The following WARS2 variants were observed in gnomAD, a reference collection of about 807,000 sequenced individuals.
WARS2 encodes the protein tryptophanyl tRNA synthetase 2, mitochondrial.
A neutral mutation model predicts 36.5 loss-of-function variants in WARS2; 28 were observed. That is an observed-to-expected ratio of 0.77 (90% confidence interval 0.57 to 1.05). The LOEUF is 1.05. WARS2 is among the 50% of genes least tolerant of loss of function. The probability of loss-of-function intolerance (pLI) is 0.00; values close to 1 mark genes in which losing one functional copy is unlikely to be tolerated. For missense variants in WARS2, 435 were observed against 456.8 expected (o/e 0.95, Z 0.44); for synonymous variants, 174 against 178.4 (o/e 0.98, Z 0.20).
intron 1 of WARS2, among the ~76,000 whole-genome samples, chr1:119,129,475 G>A (rs1169582447): frequency 2.0e-5 from 3 of 152,172 alleles, no homozygotes; most frequent in African/African-American, 4.8e-5. Context: ...TTGGGAGGCT[G>A]AGGCAGGAAC....
At chr1:119,062,851 C>G (rs1650500946) in intron 2 of WARS2, 1 of 156,738 alleles carries the variant, frequency 6.4e-6, no homozygotes, top group South Asian at 2.0e-4. Flanking sequence ...CTTTTCTTCC[C>G]AGTCTCAGGT....
chr1:119,051,687 C>A (rs1649367748), intron 2 of WARS2, among the ~76,000 whole-genome samples: 1 of 151,926 alleles, frequency 6.6e-6, no homozygotes, highest in African/African-American at 2.4e-5. Flanking sequence ...TACTCCATAA[C>A]CTGGCCAGCA....
chr1:119,042,178 C>T (rs1173896302), intron 4 of WARS2, 86 bp downstream of exon 4: 2 of 1,272,912 alleles, frequency 1.6e-6, no homozygotes, highest in Middle Eastern at 1.9e-4. Flanking sequence ...TTCCCCTTGC[C>T]CATGAACCAA....
chr1:119,066,446 C>A (rs1329704210), intron 2 of WARS2, among the ~76,000 whole-genome samples: 3 of 142,636 alleles, frequency 2.1e-5, no homozygotes, highest in Non-Finnish European at 4.5e-5. Context: ...CCATTGCACT[C>A]CAGCATGGGT....
rs397693869 is a variant in WARS2, at chr1:119,123,623, C to CAT, written c.90+16931_90+16932insAT. Among the ~76,000 whole-genome samples the CAT allele has an allele frequency of 2.6e-5, 4 of 151,156 alleles. No individual in the cohort carries two copies. The East Asian group carries it at 5.8e-4, about 22-fold the overall frequency. On this transcript the variant is annotated intron_variant, in intron 1 of 5. Transcript: ENST00000235521. ...ATGCAAACACACACACACACACACA[C>CAT]GTTAATGTTAGTCTATAAAACATTT...
intron 2 of WARS2, among the ~76,000 whole-genome samples, chr1:119,056,536 AAT>A (rs111315245): frequency 0.33 from 48,793 of 146,880 alleles, 9,465 homozygotes; most frequent in African/African-American, 0.54. Flanking sequence ...CTAAATATAT[AAT>A]ATATATATAT....
rs78905459 is a variant in WARS2, at chr1:119,101,643, A to G, written c.91-25036T>C. On this transcript the variant is annotated intron_variant, in intron 1 of 5. Coordinates refer to ENST00000235521, the MANE Select transcript of WARS2 (RefSeq NM_015836.4). ...ATCTTGGTGTTCACTTATCACATCTAACACAGGATTCCTGAACCCAAGCTC... is the reference window on the plus strand; with the variant it reads ...ATCTTGGTGTTCACTTATCACATCTGACACAGGATTCCTGAACCCAAGCTC... Among the ~76,000 whole-genome samples the G allele has an allele frequency of 3.2e-3, 489 of 152,290 alleles. 2 individuals carry two copies. Among genetic ancestry groups the G allele is most frequent in the African/African-American group, 0.011 (443 of 41,542 alleles).
chr1:119,056,973 T>C (rs1482020822), intron 2 of WARS2, among the ~76,000 whole-genome samples: 1 of 152,194 alleles, frequency 6.6e-6, no homozygotes, highest in African/African-American at 2.4e-5. Context: ...TTTATCATTT[T>C]ACAGTGTTAC....
chr1:119,057,664 C>T (rs10923740), intron 2 of WARS2, among the ~76,000 whole-genome samples: 38,805 of 151,464 alleles, frequency 0.26, 5,251 homozygotes, highest in African/African-American at 0.31. Context: ...GTTGCAGGTG[C>T]CTGTAATCCT....
intron 1 of WARS2, among the ~76,000 whole-genome samples, chr1:119,122,965 G>GA (rs1039218413): frequency 2.0e-5 from 3 of 152,002 alleles, no homozygotes; most frequent in African/African-American, 4.8e-5. Flanking sequence ...CTGAGGATAG[G>GA]AAAAAAATGT....
intron 1 of WARS2, among the ~76,000 whole-genome samples, chr1:119,077,031 C>T (rs12024271): frequency 2.0e-5 from 3 of 148,250 alleles, no homozygotes; most frequent in African/African-American, 5.0e-5. Flanking sequence ...CCAGCTACTC[C>T]GGAGGCTGAG....
At chr1:119,038,721 C>G (rs951291039) in intron 4 of WARS2, among the ~76,000 whole-genome samples, 9 of 152,162 alleles carry the variant, frequency 5.9e-5, no homozygotes, top group Admixed American at 5.2e-4. Flanking sequence ...CACTCCGTCA[C>G]CCAGGCTAGA....
At chr1:119,134,319 C>CAAA (rs761321480) in intron 1 of WARS2, among the ~76,000 whole-genome samples, 19,417 of 65,704 alleles carry the variant, frequency 0.3, 4,087 homozygotes, top group East Asian at 0.47. Context: ...GGCAAAGGGG[C>CAAA]AAAAAAAAAA....
At chr1:119,120,166 T>C (rs1163720090) in intron 1 of WARS2, among the ~76,000 whole-genome samples, 2 of 151,750 alleles carry the variant, frequency 1.3e-5, no homozygotes, top group Admixed American at 6.6e-5. Flanking sequence ...ATTAGTGAGA[T>C]TAACCAAGAA....
intron 1 of WARS2, among the ~76,000 whole-genome samples, chr1:119,122,594 CAT>C (rs1051860417): frequency 1.4e-4 from 21 of 152,298 alleles, no homozygotes; most frequent in Middle Eastern, 3.4e-3. Context: ...TGTAGACACA[CAT>C]GTTTATAGCA....
At chr1:119,131,877 G>A (rs587656508) in intron 1 of WARS2, among the ~76,000 whole-genome samples, 2 of 152,138 alleles carry the variant, frequency 1.3e-5, no homozygotes, top group South Asian at 4.1e-4. Flanking sequence ...GATTAACAAA[G>A]TCAGACTGAT....
chr1:119,132,636 G>A (rs995754945), intron 1 of WARS2, among the ~76,000 whole-genome samples: 3 of 152,150 alleles, frequency 2.0e-5, no homozygotes, highest in Non-Finnish European at 4.4e-5. Context: ...CCAAAGTAAC[G>A]TGGTGAATAA....
chr1:119,064,991 G>C (rs1160956195), intron 2 of WARS2, among the ~76,000 whole-genome samples: 2 of 151,996 alleles, frequency 1.3e-5, no homozygotes, highest in Non-Finnish European at 2.9e-5. Context: ...CTAAATTCAA[G>C]CTTTAAAAAT....
In WARS2 at chr1:119,076,436, G is replaced by C; in HGVS notation, c.262C>G (p.Leu88Val). The C allele has an allele frequency of 6.2e-7, 1 of 1,614,104 alleles. No homozygotes were observed. The highest frequency in any genetic ancestry group is 1.1e-5 in the South Asian group (1 of 91,084). ...SITVPQDPAV[L>V]RQSILDMTAV... The stretch of plus-strand genomic sequence containing the variant: ...GTCATGTCCAGGATGCTCTGCCGAA[G>C]GACAGCTGGGTCTTGGGGGACAGTA... Residue 88 changes from leucine (L) to valine (V), a missense_variant, in exon 2 of 6, where the codon CTT (leucine) becomes GTT (valine). Leu to Val is a conservative substitution (Grantham distance 32). Coordinates refer to ENST00000235521, the MANE Select transcript of WARS2 (RefSeq NM_015836.4).
Sources: gnomAD v4.1 joint callset for allele counts (sites outside exome capture counted in the v4.1 genomes callset) on GRCh38, gnomAD v4.1.1 for gene constraint, MANE v1.5 for transcripts, NCBI Gene and HGNC (gene_info 2026-07-23, HGNC 2026-07-21) for gene names.